The following EYS variants were observed in gnomAD, a reference collection of about 807,000 sequenced individuals.
EYS encodes EGF-like photoreceptor maintenance factor, also known as protein eyes shut homolog.
A neutral mutation model predicts 282.1 loss-of-function variants in EYS; 250 were observed. The ratio of observed to expected loss-of-function variants is 0.89; its 90% CI spans 0.80 to 0.98. The LOEUF is 0.98. EYS is among the 50% of genes least tolerant of loss of function. The probability of loss-of-function intolerance (pLI) is 0.00; values close to 1 mark genes in which losing one functional copy is unlikely to be tolerated. For missense variants in EYS, 4,016 were observed against 3,709.0 expected, an observed-to-expected ratio of 1.08 and a Z score of -2.15; for synonymous variants, 1,355 against 1,282.9, an observed-to-expected ratio of 1.06 and a Z score of -1.20.
At chr6:65,473,860 AAG>A (rs905113149) in intron 5 of EYS, among the ~76,000 whole-genome samples, 4 of 151,722 alleles carry the variant, frequency 2.6e-5, no homozygotes, top group African/African-American at 9.7e-5. Flanking sequence ...AAAAAAAAAA[AAG>A]GAAATGTAGA....
rs534172262 is a variant in EYS, at chr6:64,394,460, C to T, written c.5928-5620G>A. ...ATAGATCAATGGAACAGAATAGAGC[C>T]CTCCGAAATAACGCCGCATATCTAC... On this transcript the variant is annotated intron_variant, in intron 28 of 42. Transcript: ENST00000503581. 3.9e-5 allele frequency among the ~76,000 whole-genome samples: 6 copies of T among 152,166 alleles called. No individual in the cohort carries two copies. The East Asian group carries it at 1.2e-3, about 29-fold the overall frequency.
At chr6:63,801,623 G>A (rs1770784542) in intron 37 of EYS, among the ~76,000 whole-genome samples, 1 of 152,184 alleles carries the variant, frequency 6.6e-6, no homozygotes, top group East Asian at 1.9e-4. Context: ...CAAGAGAGTG[G>A]AGGGCAGGAA....
At chr6:63,810,455 GCAGTGATGCATCCTGAAGCC>G (rs1399405909) in intron 36 of EYS, among the ~76,000 whole-genome samples, 4 of 152,150 alleles carry the variant, frequency 2.6e-5, no homozygotes, top group Non-Finnish European at 5.9e-5. Context: ...CTTCAACTCT[GCAGTGATGCATCCTGAAGCC>G]CACCGGCTGG....
chr6:64,305,444 A>G (rs1170062783), intron 30 of EYS, among the ~76,000 whole-genome samples: 2 of 152,218 alleles, frequency 1.3e-5, no homozygotes, highest in Admixed American at 1.3e-4. Context: ...CTTGAAAAAT[A>G]ACAAGACTGG....
chr6:64,724,432 A>C (rs1771686274), intron 22 of EYS, among the ~76,000 whole-genome samples: 1 of 152,204 alleles, frequency 6.6e-6, no homozygotes, highest in Non-Finnish European at 1.5e-5. Flanking sequence ...CCATGGTGCA[A>C]ATGGAAGTAT....
intron 26 of EYS, among the ~76,000 whole-genome samples, chr6:64,574,533 T>A (rs745753998): frequency 3.9e-5 from 6 of 151,994 alleles, no homozygotes; most frequent in Non-Finnish European, 8.8e-5. Flanking sequence ...AATCATAGAG[T>A]CTCAGGGTAA....
intron 26 of EYS, among the ~76,000 whole-genome samples, chr6:64,447,466 T>TTC (rs1172353412): frequency 6.6e-6 from 1 of 151,986 alleles, no homozygotes; most frequent in Admixed American, 6.6e-5. Context: ...CTGATTTTTT[T>TTC]TTTCCTGGCA....
At chr6:64,957,301 A>C (rs1769742445) in intron 14 of EYS, among the ~76,000 whole-genome samples, 1 of 152,160 alleles carries the variant, frequency 6.6e-6, no homozygotes, top group African/African-American at 2.4e-5. Context: ...GATTATTATG[A>C]AGTGAAATAA....
intron 12 of EYS, among the ~76,000 whole-genome samples, chr6:65,147,772 G>A (rs1352031806): frequency 6.6e-6 from 1 of 152,026 alleles, no homozygotes; most frequent in Non-Finnish European, 1.5e-5. Context: ...AATTTATAAA[G>A]AAAAATAGTT....
At chr6:64,581,751 A>G (rs12660387) in intron 26 of EYS, among the ~76,000 whole-genome samples, 15,326 of 152,088 alleles carry the variant, frequency 0.1, 923 homozygotes, top group East Asian at 0.16. Flanking sequence ...GCTCCACCAA[A>G]AGTCAAGTCC....
intron 7 of EYS, among the ~76,000 whole-genome samples, chr6:65,389,587 C>G (rs1475355349): frequency 6.6e-6 from 1 of 151,968 alleles, no homozygotes; most frequent in African/African-American, 2.4e-5. Context: ...GTTAACATTC[C>G]TAATGATAAA....
intron 35 of EYS, among the ~76,000 whole-genome samples, chr6:63,928,599 T>A (rs1408525761): frequency 2.0e-5 from 3 of 152,196 alleles, no homozygotes; most frequent in Non-Finnish European, 4.4e-5. Flanking sequence ...AATAAGTATA[T>A]ATCGTTACAT....
chr6:64,769,331 A>G (rs1773454790), intron 22 of EYS, among the ~76,000 whole-genome samples: 1 of 152,136 alleles, frequency 6.6e-6, no homozygotes, highest in African/African-American at 2.4e-5. Context: ...ACAGAAAGAC[A>G]GAAATAAATG....
At chr6:63,781,483 T>C (rs1770224621) in intron 39 of EYS, among the ~76,000 whole-genome samples, 1 of 152,164 alleles carries the variant, frequency 6.6e-6, no homozygotes, top group Admixed American at 6.5e-5. Flanking sequence ...TAAGTTGGAT[T>C]CCTAGGTATT....
At chr6:64,861,503 T>C (rs1766236871) in intron 19 of EYS, among the ~76,000 whole-genome samples, 1 of 152,088 alleles carries the variant, frequency 6.6e-6, no homozygotes, top group Non-Finnish European at 1.5e-5. Context: ...AAGGTGTGGC[T>C]CCTGACTGCT....
chr6:64,148,459 C>A (rs976252811), intron 31 of EYS, among the ~76,000 whole-genome samples: 1 of 152,062 alleles, frequency 6.6e-6, no homozygotes, highest in Non-Finnish European at 1.5e-5. Context: ...GGCATTTTAT[C>A]TGTTCCCTGA....
chr6:63,743,634 G>C (rs1162407892), intron 41 of EYS, among the ~76,000 whole-genome samples: 1 of 152,164 alleles, frequency 6.6e-6, no homozygotes, highest in African/African-American at 2.4e-5. Flanking sequence ...AGATTGGTTT[G>C]CTAATTTGAT....
At chr6:63,985,860 A>G (rs1356267803) in intron 34 of EYS, among the ~76,000 whole-genome samples, 1 of 151,792 alleles carries the variant, frequency 6.6e-6, no homozygotes. Flanking sequence ...TGGACATAGG[A>G]AAAGGCAAAG....
At chr6:64,044,339 C>T (rs73762535) in intron 33 of EYS, among the ~76,000 whole-genome samples, 6,223 of 152,238 alleles carry the variant, frequency 0.041, 322 homozygotes, top group African/African-American at 0.12. Context: ...TCTAGATTTG[C>T]TACAGCCCTT....
Sources: allele counts gnomAD v4.1 joint callset (sites outside exome capture counted in the v4.1 genomes callset), GRCh38; gene constraint gnomAD v4.1.1; transcripts MANE v1.5; gene names NCBI Gene and HGNC (gene_info 2026-07-23, HGNC 2026-07-21).